Variants in MCUB observed in about 807,000 individuals in gnomAD.
The protein encoded by MCUB is calcium uniporter regulatory subunit MCUb, mitochondrial.
In MCUB, 46 loss-of-function variants were observed where a neutral mutation model predicts 41.4. That is an observed-to-expected ratio of 1.11 (90% CI 0.88 to 1.42). The LOEUF (loss-of-function observed/expected upper bound fraction) is 1.42. Among genes scored for constraint, MCUB ranks in the 40% most tolerant of loss-of-function variants. MCUB has a pLI of 0.00. For missense variants in MCUB, 403 were observed against 404.9 expected (o/e 1.00, Z 0.04); for synonymous variants, 148 against 148.2 (o/e 1.00, Z 0.01).
At chr4:109,564,424 C>T (rs186737366) in intron 1 of MCUB, among the ~76,000 whole-genome samples, 16 of 152,302 alleles carry the variant, frequency 1.1e-4, no homozygotes, top group Admixed American at 9.2e-4. Flanking sequence ...AAGCATGAGA[C>T]ACTGCGCCCG....
intron 1 of MCUB, among the ~76,000 whole-genome samples, chr4:109,636,581 T>A (rs2094448095): frequency 1.3e-5 from 2 of 152,154 alleles, no homozygotes; most frequent in Admixed American, 1.3e-4. Context: ...ACACCCATAA[T>A]CCCAGCACTT....
At chr4:109,589,448 A>C (rs1435033566) in intron 1 of MCUB, among the ~76,000 whole-genome samples, 1 of 152,190 alleles carries the variant, frequency 6.6e-6, no homozygotes, top group East Asian at 1.9e-4. Flanking sequence ...CCTGTGCTGG[A>C]TACTTCAGCC....
chr4:109,621,177 G>A (rs980496309), intron 1 of MCUB, among the ~76,000 whole-genome samples: 1 of 152,138 alleles, frequency 6.6e-6, no homozygotes, highest in Non-Finnish European at 1.5e-5. Context: ...GGGATTACAG[G>A]TGTGAGCCAC....
Position 109,560,363 on chromosome 4 carries a change from G to A in MCUB, c.26G>A (p.Trp9Ter), listed in dbSNP as rs1344754746. 1.5e-6 allele frequency: 2 copies of A among 1,321,292 alleles called. No homozygotes were observed. 81.8% of individuals were successfully genotyped at this position (1,321,292 alleles called of 1,614,324 possible). MLQRGLWPWRTRLLPTPGT... is the reference protein window; with the variant it reads MLQRGLWP ...ATGCTCCAGAGGGGCCTCTGGCCGT[G>A]GCGCACGCGGCTGCTGCCGACCCCT... The change falls in exon 1 of 8, where the codon TGG becomes TAG. Residue 9 changes from tryptophan (W) to a stop codon, truncating the protein, a stop_gained. Coordinates refer to ENST00000394650, the MANE Select transcript of MCUB (RefSeq NM_017918.5). LOFTEE classifies it high-confidence loss of function.
chr4:109,636,352 G>A (rs1311632530), intron 1 of MCUB, among the ~76,000 whole-genome samples: 1 of 152,192 alleles, frequency 6.6e-6, no homozygotes. Context: ...GCAAAGTAAT[G>A]TAGTTGAAGC....
At chr4:109,646,680 C>A (rs1728845385) in intron 1 of MCUB, among the ~76,000 whole-genome samples, 1 of 152,174 alleles carries the variant, frequency 6.6e-6, no homozygotes, top group Admixed American at 6.5e-5. Context: ...AGTCTCATCT[C>A]ACTCCCCGCT....
At chr4:109,596,655 C>T (rs1321516072) in intron 1 of MCUB, among the ~76,000 whole-genome samples, 1 of 152,062 alleles carries the variant, frequency 6.6e-6, no homozygotes, top group Non-Finnish European at 1.5e-5. Context: ...TTCCTCTCTT[C>T]CCTTGACTCG....
At chr4:109,586,282 G>A (rs1387940593) in intron 1 of MCUB, among the ~76,000 whole-genome samples, 2 of 152,134 alleles carry the variant, frequency 1.3e-5, no homozygotes, top group Non-Finnish European at 2.9e-5. Context: ...TGGTTCTCGT[G>A]CCATGGTTTT....
chr4:109,669,491 G>A (rs143529084), intron 4 of MCUB, among the ~76,000 whole-genome samples: 299 of 152,112 alleles, frequency 2.0e-3, no homozygotes, highest in African/African-American at 7.0e-3. Flanking sequence ...ATATACGTAT[G>A]TGTAGTTTTC....
At position 109,685,363 on chromosome 4, in the gene MCUB, C is replaced by A. The variant is rs1729816206; in HGVS notation, c.929C>A (p.Ala310Asp). 6.1e-6 allele frequency: 8 copies of A among 1,319,946 alleles called. No individual in the cohort carries two copies. Among genetic ancestry groups the A allele is most frequent in the Non-Finnish European group, 8.8e-6 (8 of 912,626 alleles). 81.8% of individuals were successfully genotyped at this position (1,319,946 alleles called of 1,614,324 possible). ...TACAACAAGTTAAAAGAAGACCTTG[C>A]TAAGGTATACTACAAATACATCTTA... ...QQYNKLKEDL[A>D]KAKESLKQAR... Residue 310 changes from alanine to aspartate, a missense_variant, in exon 7 of 8, where the codon GCT becomes GAT. Physicochemically the swap from Ala to Asp is moderately radical, Grantham distance 126. Coordinates refer to ENST00000394650, the MANE Select transcript of MCUB (RefSeq NM_017918.5).
chr4:109,579,537 C>G (rs1393210536), intron 1 of MCUB, among the ~76,000 whole-genome samples: 1 of 152,150 alleles, frequency 6.6e-6, no homozygotes, highest in Non-Finnish European at 1.5e-5. Flanking sequence ...TAAAGCAAAG[C>G]AGGACCACCA....
chr4:109,576,063 T>C (rs1727019351), intron 1 of MCUB, among the ~76,000 whole-genome samples: 1 of 152,320 alleles, frequency 6.6e-6, no homozygotes, highest in East Asian at 1.9e-4. Flanking sequence ...GGCCATTTGG[T>C]GGTGACCATT....
chr4:109,562,066 T>G (rs1477658195), intron 1 of MCUB, among the ~76,000 whole-genome samples: 1 of 152,118 alleles, frequency 6.6e-6, no homozygotes, highest in East Asian at 1.9e-4. Flanking sequence ...TGTTTTCTAT[T>G]AAGTCCATTT....
chr4:109,562,335 T>C (rs1455849374), intron 1 of MCUB, among the ~76,000 whole-genome samples: 1 of 152,232 alleles, frequency 6.6e-6, no homozygotes, highest in East Asian at 1.9e-4. Flanking sequence ...AATTTTTGTT[T>C]TAAGCCAACT....
intron 4 of MCUB, among the ~76,000 whole-genome samples, chr4:109,678,453 G>T (rs568822634): frequency 7.2e-6 from 1 of 139,492 alleles, no homozygotes; most frequent in East Asian, 2.2e-4. Flanking sequence ...GGCGGGCAGA[G>T]ACGCTCCTCA....
chr4:109,602,819 T>C (rs1727773220), intron 1 of MCUB, among the ~76,000 whole-genome samples: 1 of 152,244 alleles, frequency 6.6e-6, no homozygotes, highest in African/African-American at 2.4e-5. Flanking sequence ...TTTAACAATA[T>C]TGATTCTTCT....
intron 1 of MCUB, among the ~76,000 whole-genome samples, chr4:109,580,706 C>G (rs562899228): frequency 1.3e-5 from 2 of 152,272 alleles, no homozygotes; most frequent in South Asian, 2.1e-4. Flanking sequence ...TCATATCCTT[C>G]GCCCACTTTT....
At chr4:109,652,890 C>T (rs77727574) in intron 1 of MCUB, among the ~76,000 whole-genome samples, 1,691 of 152,256 alleles carry the variant, frequency 0.011, 41 homozygotes, top group African/African-American at 0.038. Flanking sequence ...ATGTTTCAGG[C>T]GCCATTCTAG....
chr4:109,659,364 C>T (rs1055355108), intron 2 of MCUB, among the ~76,000 whole-genome samples: 9 of 152,044 alleles, frequency 5.9e-5, no homozygotes, highest in African/African-American at 1.7e-4. Context: ...CCACGGCAGG[C>T]GGATCACTTC....
Sources: gnomAD v4.1 joint callset for allele counts (sites outside exome capture counted in the v4.1 genomes callset) on GRCh38, gnomAD v4.1.1 for gene constraint, MANE v1.5 for transcripts, NCBI Gene and HGNC (gene_info 2026-07-23, HGNC 2026-07-21) for gene names.